Variants in PCCA observed in about 807,000 individuals in gnomAD.
The protein encoded by PCCA is propionyl-CoA carboxylase subunit alpha.
Under a neutral mutation model 101.3 loss-of-function variants are expected in PCCA, and 74 were observed. The ratio of observed to expected loss-of-function variants is 0.73; its 90% CI spans 0.61 to 0.89. The LOEUF (loss-of-function observed/expected upper bound fraction) is 0.89. PCCA is among the 40% of genes least tolerant of loss of function. PCCA has a pLI of 0.00. For synonymous variants in PCCA, 294 were observed against 313.6 expected (o/e 0.94, Z 0.66); for missense variants, 891 against 907.0 (o/e 0.98, Z 0.23).
At chr13:100,309,801 A>G in intron 15 of PCCA, 32 bp from the exon 16 acceptor site, 3 of 1,334,660 alleles carry the variant, frequency 2.2e-6, no homozygotes, top group African/African-American at 1.5e-5. Context: ...AAATATATAT[A>G]TATATTGGGT....
At chr13:100,323,817 A>G (rs1298440108) in intron 16 of PCCA, among the ~76,000 whole-genome samples, 7 of 152,300 alleles carry the variant, frequency 4.6e-5, no homozygotes, top group Middle Eastern at 6.8e-3. Context: ...TATACCTGAT[A>G]ACAATCATGC....
intron 11 of PCCA, among the ~76,000 whole-genome samples, chr13:100,270,028 G>A (rs1380686640): frequency 1.3e-5 from 2 of 152,276 alleles, no homozygotes; most frequent in African/African-American, 2.4e-5. Flanking sequence ...GCCAGCTTCC[G>A]CTTCCTGTTC....
At chr13:100,444,643 A>G (rs376726260) in intron 20 of PCCA, among the ~76,000 whole-genome samples, 32 of 150,580 alleles carry the variant, frequency 2.1e-4, no homozygotes, top group Middle Eastern at 3.4e-3. Flanking sequence ...GAGTTTCACC[A>G]TGTTAGCCAG....
intron 19 of PCCA, among the ~76,000 whole-genome samples, chr13:100,401,667 C>A (rs1595757911): frequency 6.6e-6 from 1 of 152,010 alleles, no homozygotes; most frequent in South Asian, 2.1e-4. Flanking sequence ...CCTTTCCTTA[C>A]TAGTTTTCAG....
intron 19 of PCCA, among the ~76,000 whole-genome samples, chr13:100,368,888 A>G (rs1035235018): frequency 1.3e-5 from 2 of 152,218 alleles, no homozygotes; most frequent in Non-Finnish European, 2.9e-5. Flanking sequence ...CAAATGTATG[A>G]TAGTGGTGGT....
chr13:100,463,336 GTTTT>G (rs574359198), intron 21 of PCCA, among the ~76,000 whole-genome samples: 27,088 of 114,328 alleles, frequency 0.24, 3,011 homozygotes, highest in East Asian at 0.52. Context: ...TATTGGTGTG[GTTTT>G]TTTTTTTTTT....
chr13:100,214,465 G>A (rs2059403267), intron 7 of PCCA, among the ~76,000 whole-genome samples: 2 of 150,654 alleles, frequency 1.3e-5, no homozygotes, highest in African/African-American at 4.9e-5. Context: ...TCGCTCTGTT[G>A]CCAGGCTGGA....
At position 100,488,905 on chromosome 13, in the gene PCCA, T is replaced by C. The variant is rs1038457943; in HGVS notation, c.1900-26522T>C. 8.5e-5 allele frequency among the ~76,000 whole-genome samples: 13 copies of C among 152,172 alleles called. No homozygotes were observed. In the South Asian group the frequency reaches 2.7e-3, roughly 32 times the overall value. On this transcript the variant is annotated intron_variant, in intron 21 of 23. Coordinates refer to ENST00000376285, the MANE Select transcript of PCCA (RefSeq NM_000282.4). Reference sequence around the variant, plus strand: ...TCCCTTACCCCCACTTTTATTTTTTTTCACATTAGCTATTAACATGCCCTG... The same window carrying C: ...TCCCTTACCCCCACTTTTATTTTTTCTCACATTAGCTATTAACATGCCCTG...
At chr13:100,354,655 T>C (rs2073770686) in intron 18 of PCCA, among the ~76,000 whole-genome samples, 1 of 151,974 alleles carries the variant, frequency 6.6e-6, no homozygotes, top group Non-Finnish European at 1.5e-5. Context: ...TCATGAATAA[T>C]AGGGGGTATG....
intron 4 of PCCA, among the ~76,000 whole-genome samples, chr13:100,140,145 G>A (rs1250354289): frequency 6.6e-6 from 1 of 152,012 alleles, no homozygotes; most frequent in Non-Finnish European, 1.5e-5. Context: ...TGGTTCTTTA[G>A]GCCTTCACTT....
intron 21 of PCCA, among the ~76,000 whole-genome samples, chr13:100,504,804 G>A (rs559807494): frequency 3.3e-5 from 5 of 152,218 alleles, no homozygotes; most frequent in South Asian, 2.1e-4. Flanking sequence ...GTGGTGGAAC[G>A]TGCCTGTAGT....
intron 6 of PCCA, among the ~76,000 whole-genome samples, chr13:100,179,652 A>T (rs1013536414): frequency 2.6e-5 from 4 of 152,152 alleles, no homozygotes; most frequent in African/African-American, 7.2e-5. Context: ...AATTGATTGG[A>T]TCAAGGATTA....
intron 12 of PCCA, among the ~76,000 whole-genome samples, chr13:100,274,640 C>T (rs993866370): frequency 2.6e-5 from 4 of 152,124 alleles, no homozygotes; most frequent in African/African-American, 9.7e-5. Flanking sequence ...GGCAGCATAA[C>T]TCTAATCCCT....
At chr13:100,183,870 G>T (rs1057067871) in intron 6 of PCCA, among the ~76,000 whole-genome samples, 1 of 152,178 alleles carries the variant, frequency 6.6e-6, no homozygotes, top group Non-Finnish European at 1.5e-5. Context: ...GGAGCATTCT[G>T]TGTGAGGCTG....
At position 100,397,509 on chromosome 13, in the gene PCCA, G is replaced by A. The variant is rs150504626; in HGVS notation, c.1747-28124G>A. 1.7e-4 allele frequency among the ~76,000 whole-genome samples: 26 copies of A among 152,172 alleles called. No homozygotes were observed. The South Asian group carries it at 2.7e-3, about 16-fold the overall frequency. ...AGTTGGGGAAAAAAACCCAAAGAGC[G>A]TTCATAATCTGGATATTACCACTAT... On this transcript the variant is annotated intron_variant, in intron 19 of 23. Coordinates refer to ENST00000376285, the MANE Select transcript of PCCA (RefSeq NM_000282.4).
At chr13:100,214,390 G>T (rs557272820) in intron 7 of PCCA, among the ~76,000 whole-genome samples, 4 of 151,054 alleles carry the variant, frequency 2.6e-5, no homozygotes, top group African/African-American at 7.3e-5. Flanking sequence ...TCAATTTCTC[G>T]CATCAACGTT....
intron 6 of PCCA, among the ~76,000 whole-genome samples, chr13:100,182,783 C>T (rs1022830204): frequency 5.3e-5 from 8 of 152,142 alleles, no homozygotes; most frequent in African/African-American, 1.4e-4. Flanking sequence ...CTCTTTTTCT[C>T]TCTGTCCCCA....
rs113610934 is a variant in PCCA, at chr13:100,303,014, G to T, written c.1284+16G>T. 1 of 1,417,538 alleles carries T rather than the reference G, an allele frequency of 7.1e-7. No homozygotes were observed. The highest frequency in any genetic ancestry group is 1.0e-6 in the Non-Finnish European group (1 of 1,000,614). 87.8% of individuals were successfully genotyped at this position (1,417,538 alleles called of 1,614,324 possible). A position where few individuals can be genotyped will look rare whatever the true frequency, so the allele number is the denominator to read the frequency against. On this transcript the variant is annotated intron_variant, in intron 14 of 23. Coordinates refer to ENST00000376285, the MANE Select transcript of PCCA (RefSeq NM_000282.4). ...TCTACCTGGTGTAAGTCATTAAGCT[G>T]TAATACCAGCTGAAGGGTTAAAATC...
At chr13:100,214,655 T>C (rs1181470641) in intron 7 of PCCA, among the ~76,000 whole-genome samples, 1 of 152,144 alleles carries the variant, frequency 6.6e-6, no homozygotes, top group Non-Finnish European at 1.5e-5. Flanking sequence ...CTTGATCTCC[T>C]GACCTTGTGA....
Sources: gnomAD v4.1 joint callset for allele counts (sites outside exome capture counted in the v4.1 genomes callset) on GRCh38, gnomAD v4.1.1 for gene constraint, MANE v1.5 for transcripts, NCBI Gene and HGNC (gene_info 2026-07-23, HGNC 2026-07-21) for gene names.